Variants in LMNTD1 observed in about 807,000 individuals in gnomAD.
LMNTD1 encodes the protein lamin tail domain containing 1.
Under a neutral mutation model 50.9 loss-of-function variants are expected in LMNTD1, and 35 were observed. That is an observed-to-expected ratio of 0.69 (90% CI 0.53 to 0.91). The LOEUF is 0.91. Ranked by LOEUF, LMNTD1 falls within the 40% of genes least tolerant of loss-of-function variation. The probability of loss-of-function intolerance (pLI) is 0.00; values close to 1 mark genes in which losing one functional copy is unlikely to be tolerated. For synonymous variants in LMNTD1, 153 were observed against 161.9 expected (o/e 0.94, Z 0.42); for missense variants, 470 against 475.5 (o/e 0.99, Z 0.11).
chr12:25,488,617 C>A (rs1210443906), intron 9 of LMNTD1, among the ~76,000 whole-genome samples: 1 of 151,338 alleles, frequency 6.6e-6, no homozygotes, highest in East Asian at 1.9e-4. Flanking sequence ...TCGTCTGAAG[C>A]CTTCTTCTCT....
chr12:25,612,164 GA>G (rs1217772955), intron 1 of LMNTD1, among the ~76,000 whole-genome samples: 1 of 152,146 alleles, frequency 6.6e-6, no homozygotes, highest in African/African-American at 2.4e-5. Flanking sequence ...TAGATGGAGA[GA>G]TAGCAAAATT....
chr12:25,552,798 G>A, intron 2 of LMNTD1, 73 bp downstream of exon 2: 2 of 872,674 alleles, frequency 2.3e-6, no homozygotes, highest in South Asian at 1.5e-5. Flanking sequence ...AAACAAAAGA[G>A]GTCAAGCATG....
At chr12:25,647,723 A>G (rs1282463747) in intron 1 of LMNTD1, among the ~76,000 whole-genome samples, 1 of 152,232 alleles carries the variant, frequency 6.6e-6, no homozygotes, top group African/African-American at 2.4e-5. Context: ...TCTCAGTACT[A>G]TACATAAAAA....
intron 1 of LMNTD1, among the ~76,000 whole-genome samples, chr12:25,642,746 A>G (rs987593046): frequency 6.6e-6 from 1 of 152,228 alleles, no homozygotes; most frequent in African/African-American, 2.4e-5. Context: ...AGAAAAGAAA[A>G]GCATGGAGAG....
intron 9 of LMNTD1, among the ~76,000 whole-genome samples, chr12:25,486,316 T>G (rs1938638387): frequency 6.6e-6 from 1 of 151,068 alleles, no homozygotes; most frequent in African/African-American, 2.4e-5. Flanking sequence ...TTGTCTGTTG[T>G]TGGTGTATAA....
At chr12:25,586,167 T>G (rs1046199824) in intron 1 of LMNTD1, 1 of 152,198 alleles carries the variant, frequency 6.6e-6, no homozygotes, top group East Asian at 1.9e-4. Flanking sequence ...AAAGTACTAT[T>G]TGATTTTTTT....
chr12:25,543,634 G>GA (rs1555220171), intron 4 of LMNTD1, among the ~76,000 whole-genome samples: 3 of 145,792 alleles, frequency 2.1e-5, no homozygotes, highest in African/African-American at 7.5e-5. Flanking sequence ...TTTTCAGTTT[G>GA]TTTTTTTTTT....
At chr12:25,635,097 G>A (rs900561103) in intron 1 of LMNTD1, among the ~76,000 whole-genome samples, 16 of 151,792 alleles carry the variant, frequency 1.1e-4, no homozygotes, top group South Asian at 4.2e-4. Flanking sequence ...AAAATTAGCC[G>A]GGCATCGTGG....
At chr12:25,552,246 T>C (rs1943791787) in intron 2 of LMNTD1, among the ~76,000 whole-genome samples, 1 of 152,144 alleles carries the variant, frequency 6.6e-6, no homozygotes, top group Non-Finnish European at 1.5e-5. Flanking sequence ...ACCAATATTC[T>C]GGTAATTTTT....
At chr12:25,508,168 C>G (rs1426430468) in intron 8 of LMNTD1, among the ~76,000 whole-genome samples, 3 of 152,046 alleles carry the variant, frequency 2.0e-5, no homozygotes, top group African/African-American at 7.2e-5. Context: ...GGAAAGTTCA[C>G]AAATCATAAT....
At chr12:25,545,715 T>C (rs780666347) in intron 4 of LMNTD1, among the ~76,000 whole-genome samples, 23 of 151,744 alleles carry the variant, frequency 1.5e-4, no homozygotes, top group Non-Finnish European at 3.0e-4. Context: ...TAAATTGTAA[T>C]AGGGCATGGG....
intron 1 of LMNTD1, among the ~76,000 whole-genome samples, chr12:25,616,590 C>T (rs79848273): frequency 0.011 from 1,696 of 152,178 alleles, 17 homozygotes; most frequent in Non-Finnish European, 0.017. Flanking sequence ...TGTATCTTGA[C>T]CAGATCAATA....
chr12:25,497,476 C>CAGTT (rs1939127510), intron 9 of LMNTD1: 1 of 152,816 alleles, frequency 6.5e-6, no homozygotes, highest in Non-Finnish European at 1.5e-5. Context: ...CCGTCTTTAG[C>CAGTT]TAAACTAAGG....
intron 3 of LMNTD1, among the ~76,000 whole-genome samples, chr12:25,549,026 T>A (rs900830365): frequency 1.3e-5 from 2 of 152,000 alleles, no homozygotes; most frequent in African/African-American, 4.8e-5. Context: ...TTGGAATTTT[T>A]AATTCTCTAG....
intron 4 of LMNTD1, among the ~76,000 whole-genome samples, chr12:25,532,363 C>T (rs1016379919): frequency 1.3e-5 from 2 of 152,160 alleles, no homozygotes; most frequent in Admixed American, 1.3e-4. Flanking sequence ...ACTCTTCCAT[C>T]TTTCCTTGAA....
chr12:25,621,169 T>C (rs1433991343), intron 1 of LMNTD1, among the ~76,000 whole-genome samples: 1 of 152,224 alleles, frequency 6.6e-6, no homozygotes, highest in Non-Finnish European at 1.5e-5. Flanking sequence ...AGTTAACACA[T>C]GTTAACTAAT....
chr12:25,521,483 T>C (rs1032567881), intron 6 of LMNTD1, among the ~76,000 whole-genome samples: 1 of 152,208 alleles, frequency 6.6e-6, no homozygotes, highest in Non-Finnish European at 1.5e-5. Flanking sequence ...AACTACATGA[T>C]GAGGATACAG....
At chr12:25,586,517 C>T (rs1347532076) in intron 1 of LMNTD1, among the ~76,000 whole-genome samples, 3 of 152,124 alleles carry the variant, frequency 2.0e-5, no homozygotes, top group Non-Finnish European at 4.4e-5. Flanking sequence ...TCCCAGTTTA[C>T]CTTGGGTTTG....
chr12:25,565,515 G>C (rs1284396549), intron 1 of LMNTD1, among the ~76,000 whole-genome samples: 1 of 152,006 alleles, frequency 6.6e-6, no homozygotes, highest in Non-Finnish European at 1.5e-5. Context: ...TTCACATTTT[G>C]TTGTTTCTAT....
Sources: gnomAD v4.1 joint callset for allele counts (sites outside exome capture counted in the v4.1 genomes callset) on GRCh38, gnomAD v4.1.1 for gene constraint, MANE v1.5 for transcripts, NCBI Gene and HGNC (gene_info 2026-07-23, HGNC 2026-07-21) for gene names.